UBQLN1: variants seen among roughly 807,000 people sequenced by gnomAD.
UBQLN1 encodes ubiquilin 1, also known as ubiquilin-1.
A neutral mutation model predicts 65.4 loss-of-function variants in UBQLN1; 13 were observed. The ratio of observed to expected loss-of-function variants is 0.20; its 90% CI spans 0.13 to 0.32. The LOEUF (loss-of-function observed/expected upper bound fraction) is 0.32, where lower values mean the gene tolerates loss of function less well. UBQLN1 is among the 10% of genes least tolerant of loss of function. The pLI is 1.00. For synonymous variants in UBQLN1, 267 were observed against 247.8 expected, an observed-to-expected ratio of 1.08 and a Z score of -0.73; for missense variants, 561 against 724.0, an observed-to-expected ratio of 0.77 and a Z score of 2.58.
At chr9:83,685,011 C>A (rs909931050) in intron 2 of UBQLN1, among the ~76,000 whole-genome samples, 1 of 152,110 alleles carries the variant, frequency 6.6e-6, no homozygotes, top group Middle Eastern at 3.2e-3. Context: ...ATGTAGTCTA[C>A]ATGACTTCAA....
At chr9:83,690,906 G>A (rs1184426548) in intron 1 of UBQLN1, among the ~76,000 whole-genome samples, 1 of 152,200 alleles carries the variant, frequency 6.6e-6, no homozygotes, top group Non-Finnish European at 1.5e-5. Flanking sequence ...GGGAGGCCAA[G>A]GCGGGTGGAT....
At chr9:83,667,409 G>A (rs962134476) in intron 7 of UBQLN1, 1 of 730,230 alleles carries the variant, frequency 1.4e-6, no homozygotes, top group Non-Finnish European at 1.7e-6. Context: ...CCGTATTTAA[G>A]AGCAATGTAA....
intron 1 of UBQLN1, among the ~76,000 whole-genome samples, chr9:83,686,886 A>G (rs1418937345): frequency 1.3e-5 from 2 of 152,158 alleles, no homozygotes; most frequent in Non-Finnish European, 2.9e-5. Context: ...ACCATTAAGT[A>G]TATAAGGCAA....
intron 1 of UBQLN1, among the ~76,000 whole-genome samples, chr9:83,693,686 G>A (rs573142706): frequency 6.6e-6 from 1 of 152,310 alleles, no homozygotes; most frequent in Admixed American, 6.5e-5. Context: ...CTCAGCTGCT[G>A]AGGGCTGACT....
intron 1 of UBQLN1, among the ~76,000 whole-genome samples, chr9:83,702,851 C>T (rs1423211820): frequency 6.6e-6 from 1 of 152,168 alleles, no homozygotes; most frequent in Non-Finnish European, 1.5e-5. Flanking sequence ...CTCAATTTGA[C>T]TCAATACGTT....
intron 1 of UBQLN1, among the ~76,000 whole-genome samples, chr9:83,686,926 GA>G (rs914610147): frequency 2.1e-5 from 3 of 144,498 alleles, no homozygotes; most frequent in Non-Finnish European, 4.6e-5. Context: ...AACAAAAAAA[GA>G]AAAAAAAATC....
At chr9:83,670,264 T>C (rs978315038) in intron 6 of UBQLN1, among the ~76,000 whole-genome samples, 15 of 152,180 alleles carry the variant, frequency 9.9e-5, no homozygotes, top group African/African-American at 3.4e-4. Flanking sequence ...TGCTATTCCA[T>C]CCAGTTATAT....
intron 6 of UBQLN1, among the ~76,000 whole-genome samples, chr9:83,671,721 A>G (rs1831735112): frequency 6.6e-6 from 1 of 152,126 alleles, no homozygotes; most frequent in Non-Finnish European, 1.5e-5. Context: ...TAGATCTAGC[A>G]TAATTTTTAA....
intron 1 of UBQLN1, among the ~76,000 whole-genome samples, chr9:83,688,510 A>G (rs1832075208): frequency 6.6e-6 from 1 of 152,154 alleles, no homozygotes; most frequent in Non-Finnish European, 1.5e-5. Flanking sequence ...TAATTACTGA[A>G]CATACAGTTA....
Position 83,677,784 on chromosome 9 carries a change from C to T in UBQLN1, c.1048G>A (p.Ala350Thr). The T allele has an allele frequency of 6.2e-7, 1 of 1,614,118 alleles. No individual in the cohort carries two copies. The highest frequency in any genetic ancestry group is 1.1e-5 in the South Asian group (1 of 91,076). ...GTACTCTGCCCAGAAGTGCCACTGGCAGTACTACCAGTAGTGCCACCCACA... is the reference window on the plus strand; with the variant it reads ...GTACTCTGCCCAGAAGTGCCACTGGTAGTACTACCAGTAGTGCCACCCACA... ...STVGGTTGST[A>T]SGTSGQSTTA... Residue 350 changes from alanine (A) to threonine (T), a missense_variant, in exon 6 of 11, where the codon GCC (alanine) becomes ACC (threonine). Ala to Thr is a moderately conservative substitution (Grantham distance 58). This residue lies in a region of UBQLN1 where 89 missense variants were observed against 77.8 expected (regional missense o/e 1.14). Transcript: ENST00000376395.
chr9:83,678,907 G>A (rs186143779), intron 4 of UBQLN1, among the ~76,000 whole-genome samples: 346 of 152,196 alleles, frequency 2.3e-3, no homozygotes, highest in African/African-American at 8.1e-3. Flanking sequence ...TTTTTTAGTA[G>A]AGACGGGGTT....
intron 1 of UBQLN1, among the ~76,000 whole-genome samples, chr9:83,707,267 C>G (rs1832427241): frequency 1.3e-5 from 2 of 152,120 alleles, no homozygotes; most frequent in Admixed American, 6.5e-5. Flanking sequence ...AGGAAGGCTC[C>G]GAGAAAAGCG....
At chr9:83,668,113 T>G (rs985405878) in intron 7 of UBQLN1, 65 of 985,282 alleles carry the variant, frequency 6.6e-5, no homozygotes, top group Non-Finnish European at 7.6e-5. Context: ...TCTGATAAGT[T>G]TCATATGCAT....
In UBQLN1 at chr9:83,707,926, G is replaced by C; in HGVS notation, c.-247C>G. ...TGTTCAGGCGCCGCTCGCTCACACC[G>C]ACATCCGCAGCAGCCACCGCTTCCT... On this transcript the variant is annotated 5_prime_UTR_variant, in exon 1 of 11. Transcript: ENST00000376395. The C allele has an allele frequency of 1.9e-6, 1 of 517,448 alleles. No individual in the cohort carries two copies. The highest frequency in any genetic ancestry group is 3.3e-6 in the Non-Finnish European group (1 of 303,096). 32.1% of individuals were successfully genotyped at this position (517,448 alleles called of 1,614,324 possible).
intron 3 of UBQLN1, among the ~76,000 whole-genome samples, chr9:83,681,443 G>C (rs534277642): frequency 6.6e-6 from 1 of 152,288 alleles, no homozygotes; most frequent in South Asian, 2.1e-4. Flanking sequence ...CAGATGCTAA[G>C]TACTTCAGTA....
chr9:83,689,524 A>ATGTAATTTAT (rs1832092714), intron 1 of UBQLN1, among the ~76,000 whole-genome samples: 1 of 152,248 alleles, frequency 6.6e-6, no homozygotes, highest in Admixed American at 6.5e-5. Flanking sequence ...AAGTGCCTTT[A>ATGTAATTTAT]CTAAATTAGA....
In UBQLN1 at chr9:83,707,684, G is replaced by A; in HGVS notation, c.-5C>T. 1 of 1,534,292 alleles carries A rather than the reference G, an allele frequency of 6.5e-7. No individual in the cohort carries two copies. Among genetic ancestry groups the A allele is most frequent in the Non-Finnish European group, 8.7e-7 (1 of 1,145,116 alleles). On this transcript the variant is annotated 5_prime_UTR_variant, in exon 1 of 11. Coordinates refer to ENST00000376395, the MANE Select transcript of UBQLN1 (RefSeq NM_013438.5). ...GCTTTCACCACTCTCGGCCATGGCT[G>A]TGGCGGCGGCGGCGGCGGTGACTCA...
chr9:83,682,225 C>T (rs373567701), intron 3 of UBQLN1, among the ~76,000 whole-genome samples: 1 of 152,026 alleles, frequency 6.6e-6, no homozygotes, highest in Non-Finnish European at 1.5e-5. Context: ...GCAGAGGTTG[C>T]GGTGAGCCTA....
intron 9 of UBQLN1, among the ~76,000 whole-genome samples, chr9:83,664,327 G>A (rs1380793132): frequency 6.6e-6 from 1 of 152,180 alleles, no homozygotes; most frequent in African/African-American, 2.4e-5. Flanking sequence ...GCTGAGGTAA[G>A]AGGATTGCTT....
Sources: allele counts gnomAD v4.1 joint callset (sites outside exome capture counted in the v4.1 genomes callset), GRCh38; gene constraint gnomAD v4.1.1; regional missense constraint gnomAD v4.1.1; transcripts MANE v1.5; gene names NCBI Gene and HGNC (gene_info 2026-07-23, HGNC 2026-07-21).